ATP9B: variants seen among roughly 807,000 people sequenced by gnomAD.
ATP9B encodes the protein probable phospholipid-transporting ATPase IIB.
Under a neutral mutation model 146.1 loss-of-function variants are expected in ATP9B, and 110 were observed. The ratio of observed to expected loss-of-function variants is 0.75; its 90% CI spans 0.65 to 0.88. The LOEUF is 0.88. ATP9B is among the 40% of genes least tolerant of loss of function. The pLI is 0.00. For synonymous variants in ATP9B, 604 were observed against 569.7 expected, an observed-to-expected ratio of 1.06 and a Z score of -0.86; for missense variants, 1,499 against 1,496.4, an observed-to-expected ratio of 1.00 and a Z score of -0.03.
intron 1 of ATP9B, among the ~76,000 whole-genome samples, chr18:79,092,994 A>G (rs951820798): frequency 6.6e-6 from 1 of 152,222 alleles, no homozygotes; most frequent in African/African-American, 2.4e-5. Flanking sequence ...CTCGACTTTT[A>G]TATGAATGAC....
intron 6 of ATP9B, 133 bp from the exon 7 acceptor site, chr18:79,154,369 TTG>T: frequency 3.2e-6 from 2 of 624,440 alleles, no homozygotes; most frequent in South Asian, 4.6e-5. Flanking sequence ...TATATACAAA[TTG>T]TGTTAGTTAT....
chr18:79,374,505 G>A (rs2097092121), intron 28 of ATP9B, among the ~76,000 whole-genome samples: 1 of 149,004 alleles, frequency 6.7e-6, no homozygotes, highest in Non-Finnish European at 1.5e-5. Context: ...GAGCCCCGTC[G>A]GTCACTGGCT....
At chr18:79,233,267 G>A (rs887992025) in intron 11 of ATP9B, among the ~76,000 whole-genome samples, 1 of 151,992 alleles carries the variant, frequency 6.6e-6, no homozygotes, top group East Asian at 1.9e-4. Flanking sequence ...ACTCCACCTG[G>A]GCAACAGAGG....
intron 13 of ATP9B, among the ~76,000 whole-genome samples, chr18:79,283,872 CAA>C (rs1192665986): frequency 1.3e-5 from 2 of 152,170 alleles, no homozygotes; most frequent in Non-Finnish European, 2.9e-5. Flanking sequence ...GTTTAAAGAA[CAA>C]TGCTGCAGAG....
intron 4 of ATP9B, among the ~76,000 whole-genome samples, chr18:79,119,364 C>T (rs1231040221): frequency 6.6e-6 from 1 of 152,134 alleles, no homozygotes; most frequent in South Asian, 2.1e-4. Context: ...GACGAGAAAA[C>T]GTTTCTCTGT....
chr18:79,214,045 T>C lies in ATP9B; in HGVS notation c.1107+7T>C. 1 of 1,581,946 alleles carries C rather than the reference T, an allele frequency of 6.3e-7. No homozygotes were observed. The highest frequency in any genetic ancestry group is 2.3e-5 in the East Asian group (1 of 43,700). ...ATCCAATCCAAAAAATAAGGTAGGC[T>C]AGATTGAGGAGCAACTGCTTTAATG... is the stretch of plus-strand genomic sequence containing the variant. On this transcript the variant is annotated splice_region_variant and intron_variant, in intron 11 of 29. Coordinates refer to ENST00000426216, the MANE Select transcript of ATP9B (RefSeq NM_198531.5).
chr18:79,337,767 A>T (rs544160798), intron 19 of ATP9B, among the ~76,000 whole-genome samples: 1 of 152,260 alleles, frequency 6.6e-6, no homozygotes, highest in East Asian at 1.9e-4. Context: ...AGGGATGGTT[A>T]TGCACCCCCC....
chr18:79,138,327 T>A (rs2094471716), intron 5 of ATP9B, among the ~76,000 whole-genome samples: 1 of 152,136 alleles, frequency 6.6e-6, no homozygotes, highest in African/African-American at 2.4e-5. Context: ...GTGACACAGT[T>A]TTACATGAGA....
At chr18:79,232,060 T>C (rs139512082) in intron 11 of ATP9B, among the ~76,000 whole-genome samples, 109 of 152,094 alleles carry the variant, frequency 7.2e-4, no homozygotes, top group Non-Finnish European at 1.1e-3. Flanking sequence ...CTGGATACAG[T>C]GTACACTACT....
Position 79,345,615 on chromosome 18 carries a change from A to C in ATP9B, c.2617+43A>C, listed in dbSNP as rs753319658. ...TGCTCACAGGGAGGTCTCCAGAGAA[A>C]CCCGTAGGCTGACATTGATGGGCAA... is the stretch of plus-strand genomic sequence containing the variant. On this transcript the variant is annotated intron_variant, in intron 22 of 29. Coordinates refer to ENST00000426216, the MANE Select transcript of ATP9B (RefSeq NM_198531.5). 13 of 1,597,366 alleles carry C rather than the reference A, an allele frequency of 8.1e-6. No individual in the cohort carries two copies. In the South Asian group the frequency reaches 1.4e-4, roughly 18 times the overall value.
chr18:79,080,077 C>T (rs2974292), intron 1 of ATP9B, among the ~76,000 whole-genome samples: 151,721 of 152,334 alleles, frequency 1, 75,563 homozygotes, highest in Middle Eastern at 1. Flanking sequence ...GATAGCATGA[C>T]GCCTCCAGGT....
At chr18:79,247,542 TA>T (rs2095980052) in intron 11 of ATP9B, among the ~76,000 whole-genome samples, 1 of 152,270 alleles carries the variant, frequency 6.6e-6, no homozygotes, top group African/African-American at 2.4e-5. Flanking sequence ...ATTTTATCCT[TA>T]AAAACATGTT....
At chr18:79,167,538 T>A (rs1043371259) in intron 7 of ATP9B, among the ~76,000 whole-genome samples, 2 of 151,198 alleles carry the variant, frequency 1.3e-5, no homozygotes, top group Non-Finnish European at 1.5e-5. Context: ...GCTTGTGGAG[T>A]GTGCAGCCCT....
At chr18:79,320,784 A>G (rs1252536609) in intron 15 of ATP9B, among the ~76,000 whole-genome samples, 1 of 99,578 alleles carries the variant, frequency 1.0e-5, no homozygotes, top group Non-Finnish European at 2.4e-5. Flanking sequence ...GAGCTTACAT[A>G]CTAGGAAACT....
At chr18:79,321,528 A>G (rs2096716169) in intron 15 of ATP9B, among the ~76,000 whole-genome samples, 1 of 152,130 alleles carries the variant, frequency 6.6e-6, no homozygotes, top group Non-Finnish European at 1.5e-5. Flanking sequence ...GATTACAGGC[A>G]TGTGCCCACC....
intron 26 of ATP9B, chr18:79,361,881 T>G: frequency 4.9e-6 from 4 of 812,686 alleles, no homozygotes; most frequent in Non-Finnish European, 5.9e-6. Flanking sequence ...CTCAAGCTCC[T>G]GCGATGTAGG....
intron 13 of ATP9B, among the ~76,000 whole-genome samples, chr18:79,289,021 G>A (rs944790395): frequency 2.0e-5 from 3 of 152,104 alleles, no homozygotes; most frequent in Non-Finnish European, 4.4e-5. Context: ...AGGGTAACCC[G>A]ACCTTTCTCT....
intron 1 of ATP9B, among the ~76,000 whole-genome samples, chr18:79,080,159 T>C (rs936054156): frequency 6.6e-6 from 1 of 152,200 alleles, no homozygotes; most frequent in East Asian, 1.9e-4. Flanking sequence ...TTAAAGTAGT[T>C]TTTTTCTAAT....
At chr18:79,122,640 G>T (rs962442782) in intron 4 of ATP9B, among the ~76,000 whole-genome samples, 23 of 152,116 alleles carry the variant, frequency 1.5e-4, no homozygotes, top group African/African-American at 5.3e-4. Context: ...GAAACTGCTT[G>T]TTTAAATATG....
Sources: allele counts gnomAD v4.1 joint callset (sites outside exome capture counted in the v4.1 genomes callset), GRCh38; gene constraint gnomAD v4.1.1; transcripts MANE v1.5; gene names NCBI Gene and HGNC (gene_info 2026-07-23, HGNC 2026-07-21).